Variants in MGAM2 observed in about 807,000 individuals in gnomAD.
MGAM2 encodes the protein maltase-glucoamylase 2 (putative).
In MGAM2, 98 loss-of-function variants were observed where a neutral mutation model predicts 96.1. The ratio of observed to expected loss-of-function variants is 1.02; its 90% CI spans 0.87 to 1.21. The LOEUF (loss-of-function observed/expected upper bound fraction) is 1.21, where lower values mean the gene tolerates loss of function less well. Ranked by LOEUF, MGAM2 falls within the 50% of genes most tolerant of loss-of-function variation. The probability of loss-of-function intolerance (pLI) is 0.00; values close to 1 mark genes in which losing one functional copy is unlikely to be tolerated. For synonymous variants in MGAM2, 749 were observed against 414.8 expected (o/e 1.81, Z -9.79); for missense variants, 2,055 against 1,182.4 (o/e 1.74, Z -10.82).
chr7:142,130,543 C>T (rs1794854799), intron 3 of MGAM2, among the ~76,000 whole-genome samples: 1 of 152,182 alleles, frequency 6.6e-6, no homozygotes, highest in Non-Finnish European at 1.5e-5. Flanking sequence ...TGGGACTTAC[C>T]TTTCACTTAC....
chr7:142,192,475 T>C (rs1796900089), intron 37 of MGAM2, among the ~76,000 whole-genome samples: 1 of 152,164 alleles, frequency 6.6e-6, no homozygotes, highest in African/African-American at 2.4e-5. Flanking sequence ...TGTCTAATTA[T>C]AGGAGTCAAA....
chr7:142,114,615 T>C (rs1424898883), intron 1 of MGAM2, among the ~76,000 whole-genome samples: 1 of 152,070 alleles, frequency 6.6e-6, no homozygotes. Context: ...AATTTGATAA[T>C]GCAAGACAAT....
At chr7:142,159,407 C>T in intron 20 of MGAM2, 64 bp downstream of exon 20, 1 of 695,784 alleles carries the variant, frequency 1.4e-6, no homozygotes, top group African/African-American at 1.8e-5. Context: ...TCTAAAGCAG[C>T]AGTCTTGGGA....
Position 142,221,185 on chromosome 7 carries a change from G to A in MGAM2, c.6674G>A (p.Ser2225Asn). ...ATTATGGCAACTACTTCTCCTACAA[G>A]TACTGATGTTGCTAGCACAAATAAT... ...TVIMATTSPT[S>N]TDVASTNNDA... is the part of the protein sequence containing the mutation. The change falls in exon 48 of 48, where the codon AGT becomes AAT. Residue 2225 changes from serine (S) to asparagine (N), a missense_variant. Ser to Asn is a conservative substitution (Grantham distance 46). Transcript: ENST00000477922. The A allele has an allele frequency of 1.4e-6, 1 of 702,478 alleles. No individual in the cohort carries two copies. The highest frequency in any genetic ancestry group is 2.6e-6 in the Non-Finnish European group (1 of 384,748). 43.5% of individuals were successfully genotyped at this position (702,478 alleles called of 1,614,324 possible). A position where few individuals can be genotyped will look rare whatever the true frequency, so the allele number is the denominator to read the frequency against.
chr7:142,201,974 A>G (rs890030717), intron 45 of MGAM2, among the ~76,000 whole-genome samples: 12 of 71,188 alleles, frequency 1.7e-4, no homozygotes, highest in African/African-American at 6.3e-4. Context: ...GATTATTATT[A>G]GGAATAAAAA....
Position 142,220,915 on chromosome 7 carries a change from G to GTAC in MGAM2, c.6410_6412dup (p.Thr2137dup). On this transcript the variant is annotated inframe_insertion, in exon 48 of 48. Transcript: ENST00000477922. ...ACAGGTACTACTGATGTTAGCACTA[G>GTAC]TACTACTATTAATAATATAAGTACT... 1 of 701,764 alleles carries GTAC rather than the reference G, an allele frequency of 1.4e-6. No individual in the cohort carries two copies. Among genetic ancestry groups the GTAC allele is most frequent in the Non-Finnish European group, 2.6e-6 (1 of 384,694 alleles). The allele number at this position is 701,764 out of a possible 1,614,324, so 43.5% of individuals were successfully genotyped here. A position where few individuals can be genotyped will look rare whatever the true frequency, so the allele number is the denominator to read the frequency against.
intron 44 of MGAM2, 45 bp downstream of exon 44, chr7:142,198,784 A>G: frequency 1.5e-6 from 1 of 684,078 alleles, no homozygotes; most frequent in Non-Finnish European, 2.7e-6. Flanking sequence ...CTATACCGTA[A>G]TGAGGAAGCC....
At chr7:142,189,045 T>G (rs2129097052) in intron 36 of MGAM2, among the ~76,000 whole-genome samples, 1 of 152,286 alleles carries the variant, frequency 6.6e-6, no homozygotes, top group Non-Finnish European at 1.5e-5. Flanking sequence ...CTGGAGAACA[T>G]TACCATCTAG....
chr7:142,127,596 G>C (rs1303085451), intron 3 of MGAM2, among the ~76,000 whole-genome samples: 1 of 152,004 alleles, frequency 6.6e-6, no homozygotes, highest in Non-Finnish European at 1.5e-5. Context: ...TCAAGGGTGG[G>C]CCAGGTGGAG....
At chr7:142,208,493 G>A (rs1797478770) in intron 45 of MGAM2, 80 bp from the exon 46 acceptor site, 2 of 690,632 alleles carry the variant, frequency 2.9e-6, no homozygotes, top group Admixed American at 2.0e-5. Flanking sequence ...TGAGAGTGTG[G>A]TTTCTGACCA....
chr7:142,207,330 C>T (rs1469045997), intron 45 of MGAM2, among the ~76,000 whole-genome samples: 1 of 152,142 alleles, frequency 6.6e-6, no homozygotes, highest in East Asian at 1.9e-4. Context: ...AAAGGAAACA[C>T]AGGAGCTGGA....
intron 32 of MGAM2, 120 bp from the exon 33 acceptor site, chr7:142,183,146 T>C: frequency 5.0e-6 from 3 of 596,988 alleles, no homozygotes; most frequent in Non-Finnish European, 8.9e-6. Context: ...TTTATTTCAT[T>C]TTATTTTTGG....
intron 7 of MGAM2, 42 bp from the exon 8 acceptor site, chr7:142,136,499 T>A: frequency 1.7e-6 from 1 of 601,582 alleles, no homozygotes; most frequent in South Asian, 2.0e-5. Flanking sequence ...GAAAACTTTC[T>A]CAACACATAA....
At chr7:142,143,395 A>C (rs1485266170) in intron 12 of MGAM2, among the ~76,000 whole-genome samples, 1 of 152,220 alleles carries the variant, frequency 6.6e-6, no homozygotes, top group Non-Finnish European at 1.5e-5. Flanking sequence ...TTCAAAGTAG[A>C]CTTTATGTGA....
intron 30 of MGAM2, among the ~76,000 whole-genome samples, 171 bp from the exon 31 acceptor site, chr7:142,173,058 T>A (rs1219040572): frequency 6.6e-6 from 1 of 152,226 alleles, no homozygotes; most frequent in Admixed American, 6.5e-5. Flanking sequence ...ATTACGTTTC[T>A]ATCATTTTGC....
chr7:142,171,373 A>G lies in MGAM2; in HGVS notation c.3284A>G (p.His1095Arg), dbSNP rs1447315417. ...QYIYGFGETE[H>R]TTFRRNMNWN... ...ATCTATGGCTTTGGGGAAACTGAGC[A>G]CACGACTTTCAGAAGAAACATGAAC... The change falls in exon 28 of 48, where the codon CAC (histidine) becomes CGC (arginine). Residue 1095 changes from histidine to arginine, a missense_variant. Coordinates refer to ENST00000477922, the MANE Select transcript of MGAM2 (RefSeq NM_001293626.2). 2 of 703,300 alleles carry G rather than the reference A, an allele frequency of 2.8e-6. No individual in the cohort carries two copies. Among genetic ancestry groups the G allele is most frequent in the Non-Finnish European group, 5.2e-6 (2 of 384,950 alleles). The allele number at this position is 703,300 out of a possible 1,614,324, so 43.6% of individuals were successfully genotyped here.
intron 32 of MGAM2, among the ~76,000 whole-genome samples, chr7:142,176,915 T>G (rs1042281561): frequency 6.6e-6 from 1 of 152,196 alleles, no homozygotes; most frequent in Admixed American, 6.5e-5. Context: ...GATTTCTATG[T>G]CATTGGAAAA....
At chr7:142,143,098 C>T (rs551164805) in intron 12 of MGAM2, among the ~76,000 whole-genome samples, 5 of 152,152 alleles carry the variant, frequency 3.3e-5, no homozygotes, top group South Asian at 2.1e-4. Context: ...ATTATGTTCC[C>T]GGAGTGTAAA....
chr7:142,190,539 G>C (rs1796838457), intron 37 of MGAM2, among the ~76,000 whole-genome samples: 2 of 151,952 alleles, frequency 1.3e-5, no homozygotes, highest in South Asian at 4.1e-4. Flanking sequence ...CTCCCAAAGT[G>C]CTGGGATTAT....
Sources: allele counts gnomAD v4.1 joint callset (sites outside exome capture counted in the v4.1 genomes callset), GRCh38; gene constraint gnomAD v4.1.1; transcripts MANE v1.5; gene names NCBI Gene and HGNC (gene_info 2026-07-23, HGNC 2026-07-21).